Variants in NALF1 observed in about 807,000 individuals in gnomAD.
NALF1 encodes the protein family with sequence similarity 155 member A.
In NALF1, 3 loss-of-function variants were observed where a neutral mutation model predicts 48.4. That is an observed-to-expected ratio of 0.06 (90% CI 0.03 to 0.16). The LOEUF is 0.16. Ranked by LOEUF, NALF1 falls within the 10% of genes least tolerant of loss-of-function variation. The pLI is 1.00. For synonymous variants in NALF1, 262 were observed against 245.7 expected, an observed-to-expected ratio of 1.07 and a Z score of -0.62; for missense variants, 526 against 571.5, an observed-to-expected ratio of 0.92 and a Z score of 0.81.
At position 107,633,069 on chromosome 13, in the gene NALF1, C is replaced by T. The variant is rs566341540; in HGVS notation, c.915+232613G>A. On this transcript the variant is annotated intron_variant, in intron 1 of 2. Transcript: ENST00000375915. ...GTCTGGTGATCTTAAATTCATGCCC[C>T]TCTTTTTTGTGTTTTATTTTTGGAA... Among the ~76,000 whole-genome samples the T allele has an allele frequency of 7.2e-5, 11 of 152,122 alleles. No homozygotes were observed. In the South Asian group the frequency reaches 1.9e-3, roughly 26 times the overall value.
chr13:107,354,592 T>C (rs1882930291), intron 1 of NALF1, among the ~76,000 whole-genome samples: 1 of 152,196 alleles, frequency 6.6e-6, no homozygotes, highest in South Asian at 2.1e-4. Flanking sequence ...TACAATTCTA[T>C]TTTAATGAGA....
intron 1 of NALF1, among the ~76,000 whole-genome samples, chr13:107,856,041 A>G (rs1176326146): frequency 6.6e-6 from 1 of 151,796 alleles, no homozygotes; most frequent in African/African-American, 2.4e-5. Flanking sequence ...TGTAGCTGGG[A>G]CACAGGTATG....
At chr13:107,763,721 T>G (rs1333915129) in intron 1 of NALF1, among the ~76,000 whole-genome samples, 1 of 152,142 alleles carries the variant, frequency 6.6e-6, no homozygotes, top group Non-Finnish European at 1.5e-5. Context: ...TGCAAACATA[T>G]GATATATCTA....
At chr13:107,449,130 G>A (rs1264491510) in intron 1 of NALF1, among the ~76,000 whole-genome samples, 1 of 152,202 alleles carries the variant, frequency 6.6e-6, no homozygotes, top group African/African-American at 2.4e-5. Flanking sequence ...TATAATCCCA[G>A]CTACGCGGAA....
intron 1 of NALF1, among the ~76,000 whole-genome samples, chr13:107,603,176 T>C (rs566138937): frequency 6.6e-6 from 1 of 152,332 alleles, no homozygotes; most frequent in Non-Finnish European, 1.5e-5. Context: ...AATTATTAGT[T>C]TTACAATTTA....
chr13:107,616,926 A>C (rs1879396240), intron 1 of NALF1, among the ~76,000 whole-genome samples: 1 of 152,226 alleles, frequency 6.6e-6, no homozygotes, highest in African/African-American at 2.4e-5. Context: ...GTAAGGAAAA[A>C]TAAAAATCTC....
rs182279139 is a variant in NALF1 at position 107,266,787 on chromosome 13, C to T, written c.916-56032G>A. Among the ~76,000 whole-genome samples the T allele has an allele frequency of 6.0e-3, 908 of 152,318 alleles. 8 individuals carry two copies. Among genetic ancestry groups the T allele is most frequent in the African/African-American group, 0.021 (870 of 41,558 alleles). ...TCACCTATGCAAATTATTAACACAA[C>T]TCCTGTCTATTGCTCAATAATACTG... On this transcript the variant is annotated intron_variant, in intron 1 of 2. Coordinates refer to ENST00000375915, the MANE Select transcript of NALF1 (RefSeq NM_001080396.3).
At chr13:107,675,476 T>A (rs1881094593) in intron 1 of NALF1, among the ~76,000 whole-genome samples, 2 of 152,246 alleles carry the variant, frequency 1.3e-5, no homozygotes, top group South Asian at 4.1e-4. Context: ...ATCTTCATCA[T>A]GTTGCATTAT....
intron 1 of NALF1, among the ~76,000 whole-genome samples, chr13:107,329,961 T>C (rs984795300): frequency 1.3e-5 from 2 of 152,122 alleles, no homozygotes; most frequent in African/African-American, 2.4e-5. Flanking sequence ...TTTCAGGTCA[T>C]AGGATTTGGG....
At chr13:107,548,093 A>T (rs1423674063) in intron 1 of NALF1, among the ~76,000 whole-genome samples, 1 of 152,000 alleles carries the variant, frequency 6.6e-6, no homozygotes, top group Non-Finnish European at 1.5e-5. Flanking sequence ...CCCAATATCC[A>T]ATAGTTATTT....
chr13:107,509,859 G>A (rs1198757464), intron 1 of NALF1, among the ~76,000 whole-genome samples: 1 of 152,094 alleles, frequency 6.6e-6, no homozygotes, highest in Non-Finnish European at 1.5e-5. Flanking sequence ...AGGCTTGAGT[G>A]CAGTGGTGCA....
intron 1 of NALF1, among the ~76,000 whole-genome samples, chr13:107,217,466 C>G (rs183685473): frequency 6.6e-6 from 1 of 152,138 alleles, no homozygotes; most frequent in Non-Finnish European, 1.5e-5. Flanking sequence ...TCTGGGCAAC[C>G]GTCCATCCTC....
chr13:107,735,797 T>C (rs1876451055), intron 1 of NALF1, among the ~76,000 whole-genome samples: 1 of 152,192 alleles, frequency 6.6e-6, no homozygotes, highest in Admixed American at 6.5e-5. Context: ...CAACTCTTCT[T>C]GGTGTAGGGG....
intron 1 of NALF1, among the ~76,000 whole-genome samples, chr13:107,829,424 A>C (rs1879639699): frequency 6.6e-6 from 1 of 152,212 alleles, no homozygotes; most frequent in Non-Finnish European, 1.5e-5. Context: ...CCTGACATTT[A>C]AATGTTGACA....
chr13:107,249,994 T>C (rs1880664849), intron 1 of NALF1, among the ~76,000 whole-genome samples: 2 of 152,076 alleles, frequency 1.3e-5, no homozygotes, highest in African/African-American at 4.8e-5. Context: ...AAATAATGTG[T>C]TGTCTCCTAA....
intron 1 of NALF1, among the ~76,000 whole-genome samples, chr13:107,856,044 C>G (rs1012697222): frequency 3.3e-5 from 5 of 152,026 alleles, no homozygotes; most frequent in African/African-American, 1.2e-4. Context: ...AGCTGGGACA[C>G]AGGTATGCAC....
rs566101491 is a variant in NALF1 at position 107,170,679 on chromosome 13, A to G, written c.1195T>C (p.Cys399Arg). The stretch of plus-strand genomic sequence containing the variant: ...GACACTGTGAGCGATGTCCTGTGAC[A>G]GGAGCCACTTTTCTCTACGGTCCCT... The part of the protein sequence containing the change: ...SKGTVEKSGS[C>R]HRTSLTVSSA... Residue 399 changes from cysteine to arginine, a missense_variant, in exon 3 of 3, where the codon TGT (cysteine) becomes CGT (arginine). Coordinates refer to ENST00000375915, the MANE Select transcript of NALF1 (RefSeq NM_001080396.3). The G allele has an allele frequency of 1.5e-5, 25 of 1,614,254 alleles. No individual in the cohort carries two copies. The African/African-American group carries it at 2.8e-4, about 18-fold the overall frequency.
chr13:107,596,732 G>A (rs529318081), intron 1 of NALF1, among the ~76,000 whole-genome samples: 1 of 152,084 alleles, frequency 6.6e-6, no homozygotes, highest in Non-Finnish European at 1.5e-5. Context: ...TAGATGATGG[G>A]TTGATGGGTG....
chr13:107,165,290 T>C lies in NALF1; in HGVS notation c.*5207A>G, dbSNP rs920806113. On this transcript the variant is annotated 3_prime_UTR_variant, in exon 3 of 3. Transcript: ENST00000375915. ...ATCATTTTGATTTTTTCATTTAAGA[T>C]TGAGTGATTCTACAAATATCTTGGA... 2 of 152,154 alleles carry C rather than the reference T, an allele frequency of 1.3e-5. No homozygotes were observed. The highest frequency in any genetic ancestry group is 4.8e-5 in the African/African-American group (2 of 41,418). The allele number at this position is 152,154 out of a possible 1,614,324, so 9.4% of individuals were successfully genotyped here. A position where few individuals can be genotyped will look rare whatever the true frequency, so the allele number is the denominator to read the frequency against.
Sources: gnomAD v4.1 joint callset for allele counts (sites outside exome capture counted in the v4.1 genomes callset) on GRCh38, gnomAD v4.1.1 for gene constraint, MANE v1.5 for transcripts, NCBI Gene and HGNC (gene_info 2026-07-23, HGNC 2026-07-21) for gene names.